The following NUBPL variants were observed in gnomAD, a reference collection of about 807,000 sequenced individuals.
NUBPL encodes the protein NUBP iron-sulfur cluster assembly factor, mitochondrial, also known as iron-sulfur cluster transfer protein NUBPL.
NUBPL carries 31 observed loss-of-function variants against 45.7 expected under a neutral mutation model. The ratio of observed to expected loss-of-function variants is 0.68; its 90% CI spans 0.51 to 0.92. The LOEUF is 0.92. Among genes scored for constraint, NUBPL ranks in the 40% least tolerant of loss-of-function variants. The pLI is 0.00. For synonymous variants in NUBPL, 144 were observed against 140.9 expected (o/e 1.02, Z -0.15); for missense variants, 401 against 398.7 (o/e 1.01, Z -0.05).
intron 6 of NUBPL, among the ~76,000 whole-genome samples, chr14:31,779,558 TAC>T (rs2138791313): frequency 6.6e-6 from 1 of 152,238 alleles, no homozygotes; most frequent in Admixed American, 6.5e-5. Context: ...ATTCTGATAT[TAC>T]ACTAGTAATA....
At chr14:31,661,511 CT>C (rs1454798049) in intron 4 of NUBPL, among the ~76,000 whole-genome samples, 2 of 152,144 alleles carry the variant, frequency 1.3e-5, no homozygotes, top group Non-Finnish European at 2.9e-5. Flanking sequence ...AAAAATATGG[CT>C]TCAGACTATG....
rs528676939 is a variant in NUBPL at position 31,615,529 on chromosome 14, T to A, written c.382+16150T>A. On this transcript the variant is annotated intron_variant, in intron 4 of 10. Coordinates refer to ENST00000281081, the MANE Select transcript of NUBPL (RefSeq NM_025152.3). ...GTTCTCATTGTTCAACTCCCACTTA[T>A]GAGTGAGAACATGTGGTGTTTGGTT... 2.0e-5 allele frequency among the ~76,000 whole-genome samples: 3 copies of A among 152,248 alleles called. No individual in the cohort carries two copies. The South Asian group carries it at 6.2e-4, about 32-fold the overall frequency.
intron 8 of NUBPL, among the ~76,000 whole-genome samples, chr14:31,834,199 T>G (rs2040237526): frequency 6.8e-6 from 1 of 146,900 alleles, no homozygotes; most frequent in Non-Finnish European, 1.5e-5. Context: ...TTTTTTTTTT[T>G]GAGACAGAGT....
At chr14:31,663,366 T>C (rs1366155144) in intron 4 of NUBPL, among the ~76,000 whole-genome samples, 1 of 152,176 alleles carries the variant, frequency 6.6e-6, no homozygotes, top group Non-Finnish European at 1.5e-5. Context: ...GCTTTTATGG[T>C]TTTAGGTCTT....
chr14:31,719,490 G>GA (rs34628146), intron 6 of NUBPL, among the ~76,000 whole-genome samples: 143 of 146,872 alleles, frequency 9.7e-4, no homozygotes, highest in South Asian at 3.9e-3. Context: ...ATTCCTAAAG[G>GA]AAAAAAAAAA....
At chr14:31,681,877 G>A (rs2036842725) in intron 6 of NUBPL, among the ~76,000 whole-genome samples, 1 of 151,922 alleles carries the variant, frequency 6.6e-6, no homozygotes, top group Non-Finnish European at 1.5e-5. Context: ...ATTTTGTTTT[G>A]GCTAGAGAAT....
chr14:31,661,859 A>T (rs2036277594), intron 4 of NUBPL, among the ~76,000 whole-genome samples: 1 of 152,170 alleles, frequency 6.6e-6, no homozygotes, highest in African/African-American at 2.4e-5. Flanking sequence ...TAATTTTTAT[A>T]ATTAAAGCAA....
At chr14:31,683,876 A>T (rs920109564) in intron 6 of NUBPL, among the ~76,000 whole-genome samples, 3 of 151,972 alleles carry the variant, frequency 2.0e-5, no homozygotes, top group Non-Finnish European at 4.4e-5. Flanking sequence ...TTGAGTTGAC[A>T]TTTTAAATTC....
At chr14:31,808,526 G>A (rs937879007) in intron 7 of NUBPL, among the ~76,000 whole-genome samples, 8 of 152,122 alleles carry the variant, frequency 5.3e-5, no homozygotes, top group East Asian at 1.9e-4. Flanking sequence ...GGGCTGAGAC[G>A]ATGGGGTTTT....
At chr14:31,761,486 C>T (rs1278243229) in intron 6 of NUBPL, among the ~76,000 whole-genome samples, 1 of 152,106 alleles carries the variant, frequency 6.6e-6, no homozygotes, top group Non-Finnish European at 1.5e-5. Context: ...CTGGCCTTGC[C>T]CACTCTCACC....
chr14:31,848,199 A>G (rs1488355687), intron 9 of NUBPL, among the ~76,000 whole-genome samples: 1 of 152,200 alleles, frequency 6.6e-6, no homozygotes, highest in African/African-American at 2.4e-5. Flanking sequence ...TATGTCTGAC[A>G]GTGTTAGGGG....
chr14:31,831,886 A>G (rs1202484911), intron 8 of NUBPL, among the ~76,000 whole-genome samples: 1 of 152,188 alleles, frequency 6.6e-6, no homozygotes, highest in Non-Finnish European at 1.5e-5. Flanking sequence ...TCTGATAGAG[A>G]TGAATAAAAA....
chr14:31,616,684 A>G (rs992025057), intron 4 of NUBPL, among the ~76,000 whole-genome samples: 1 of 152,190 alleles, frequency 6.6e-6, no homozygotes, highest in African/African-American at 2.4e-5. Context: ...GACTTGTAGT[A>G]TAGTTTGAAG....
chr14:31,741,715 A>C (rs948993946), intron 6 of NUBPL, among the ~76,000 whole-genome samples: 2 of 152,028 alleles, frequency 1.3e-5, no homozygotes, highest in Non-Finnish European at 2.9e-5. Flanking sequence ...TGTCATTTAC[A>C]GTTTAAGTTT....
chr14:31,639,111 T>G (rs999116555), intron 4 of NUBPL, among the ~76,000 whole-genome samples: 22 of 152,238 alleles, frequency 1.4e-4, no homozygotes, highest in Non-Finnish European at 2.4e-4. Context: ...CCGTCCAGCT[T>G]TGTTCCATTG....
intron 6 of NUBPL, among the ~76,000 whole-genome samples, chr14:31,683,352 C>CTTT (rs34890900): frequency 0.014 from 1,305 of 91,070 alleles, 6 homozygotes; most frequent in Middle Eastern, 0.033. Context: ...ATAAAACAAT[C>CTTT]TTTTTTTTTT....
intron 6 of NUBPL, among the ~76,000 whole-genome samples, chr14:31,688,805 T>A (rs1017233989): frequency 6.6e-6 from 1 of 151,650 alleles, no homozygotes; most frequent in African/African-American, 2.4e-5. Flanking sequence ...TCTTTTCCTC[T>A]CCCTCCTCCC....
intron 3 of NUBPL, among the ~76,000 whole-genome samples, chr14:31,577,565 C>T (rs1044897855): frequency 2.6e-5 from 4 of 152,228 alleles, no homozygotes; most frequent in African/African-American, 9.6e-5. Flanking sequence ...AGGTGCCAGC[C>T]ACCACGCCCA....
intron 6 of NUBPL, among the ~76,000 whole-genome samples, chr14:31,716,642 T>G (rs1353152579): frequency 6.6e-6 from 1 of 152,238 alleles, no homozygotes; most frequent in Non-Finnish European, 1.5e-5. Flanking sequence ...CTAAAACCTC[T>G]GCAATTCATC....
Sources: gnomAD v4.1 joint callset for allele counts (sites outside exome capture counted in the v4.1 genomes callset) on GRCh38, gnomAD v4.1.1 for gene constraint, MANE v1.5 for transcripts, NCBI Gene and HGNC (gene_info 2026-07-23, HGNC 2026-07-21) for gene names.